Variants in CGNL1 observed in about 807,000 individuals in gnomAD.
CGNL1 encodes cingulin-like protein 1.
CGNL1 carries 132 observed loss-of-function variants against 141.2 expected under a neutral mutation model. The observed-to-expected ratio is 0.93, with a 90% CI of 0.81 to 1.08. The LOEUF is 1.08. CGNL1 is among the 50% of genes least tolerant of loss of function. The pLI is 0.00. For synonymous variants in CGNL1, 690 were observed against 622.1 expected (o/e 1.11, Z -1.63); for missense variants, 1,870 against 1,588.6 (o/e 1.18, Z -3.01).
chr15:57,499,350 A>G (rs1368905581), intron 8 of CGNL1, among the ~76,000 whole-genome samples: 7 of 140,482 alleles, frequency 5.0e-5, no homozygotes, highest in African/African-American at 1.9e-4. Flanking sequence ...GGTTCAAGTG[A>G]TTCTCCTGCC....
intron 8 of CGNL1, among the ~76,000 whole-genome samples, chr15:57,466,748 T>G (rs2063515838): frequency 6.6e-6 from 1 of 152,192 alleles, no homozygotes; most frequent in Admixed American, 6.5e-5. Context: ...TGTTTTGGCT[T>G]TTAATTTATA....
In CGNL1 at chr15:57,516,999, G is replaced by T; in HGVS notation, c.2610+13G>T. The T allele has an allele frequency of 6.2e-7, 1 of 1,608,956 alleles. No homozygotes were observed. The highest frequency in any genetic ancestry group is 1.1e-5 in the South Asian group (1 of 90,408). ...GAAGAAGTACGAGGTGAGGCTCGCT[G>T]GGCCCAGGCCCAGCTTTGGCAGCTG... On this transcript the variant is annotated intron_variant, in intron 9 of 18. Transcript: ENST00000281282.
chr15:57,378,572 AG>A (rs1480122641), intron 1 of CGNL1, among the ~76,000 whole-genome samples: 1 of 151,502 alleles, frequency 6.6e-6, no homozygotes, highest in African/African-American at 2.4e-5. Flanking sequence ...TAGTAGAGAC[AG>A]GGTTTCGCCA....
intron 16 of CGNL1, among the ~76,000 whole-genome samples, chr15:57,544,939 G>A (rs962420480): frequency 1.3e-5 from 2 of 152,188 alleles, no homozygotes; most frequent in African/African-American, 4.8e-5. Flanking sequence ...TTTGAGCCAC[G>A]TTAGAGGCCA....
chr15:57,387,296 T>C (rs1430060002), intron 1 of CGNL1, among the ~76,000 whole-genome samples: 6 of 152,220 alleles, frequency 3.9e-5, no homozygotes, highest in Admixed American at 3.9e-4. Flanking sequence ...TTACCTGGTG[T>C]CTTTTTTGCA....
At chr15:57,401,706 C>T (rs1405687354) in intron 1 of CGNL1, among the ~76,000 whole-genome samples, 5 of 152,190 alleles carry the variant, frequency 3.3e-5, no homozygotes, top group African/African-American at 4.8e-5. Flanking sequence ...TTGGCTCATT[C>T]TCAAATTTCC....
At chr15:57,472,301 G>A (rs535506158) in intron 8 of CGNL1, among the ~76,000 whole-genome samples, 2 of 152,222 alleles carry the variant, frequency 1.3e-5, no homozygotes, top group Non-Finnish European at 2.9e-5. Flanking sequence ...TTAAACCATG[G>A]CAAGTGAGGC....
chr15:57,400,200 A>C (rs1015489370), intron 1 of CGNL1, among the ~76,000 whole-genome samples: 2 of 151,998 alleles, frequency 1.3e-5, no homozygotes, highest in African/African-American at 4.8e-5. Flanking sequence ...GGGTCTTGCT[A>C]TGTTGGCCAG....
At chr15:57,441,157 A>G (rs2063182347) in intron 3 of CGNL1, among the ~76,000 whole-genome samples, 1 of 152,014 alleles carries the variant, frequency 6.6e-6, no homozygotes, top group South Asian at 2.1e-4. Context: ...AATACTGTAT[A>G]TTTTTGTATT....
intron 1 of CGNL1, among the ~76,000 whole-genome samples, chr15:57,395,989 G>C (rs1287708415): frequency 6.6e-6 from 1 of 152,110 alleles, no homozygotes; most frequent in Non-Finnish European, 1.5e-5. Context: ...AGCTTTGACT[G>C]TTCTTGAACT....
chr15:57,425,208 A>G (rs1440367069), intron 1 of CGNL1, among the ~76,000 whole-genome samples: 1 of 152,172 alleles, frequency 6.6e-6, no homozygotes, highest in African/African-American at 2.4e-5. Flanking sequence ...TAACAAAATA[A>G]GAATAATAGG....
chr15:57,396,277 G>GTTTTTTTTTTTTTTTTTTTTTTT (rs57154500), intron 1 of CGNL1, among the ~76,000 whole-genome samples: 3 of 129,218 alleles, frequency 2.3e-5, no homozygotes, highest in African/African-American at 8.8e-5. Context: ...TTCTTTCTTT[G>GTTTTTTTTTTTTTTTTTTTTTTT]TTTTTTTTTT....
chr15:57,442,519 G>A (rs1012629905), intron 4 of CGNL1, 41 bp downstream of exon 4: 5 of 1,241,768 alleles, frequency 4.0e-6, no homozygotes, highest in Non-Finnish European at 5.9e-6. Flanking sequence ...CATTTAGCAT[G>A]GAATGTGGTA....
chr15:57,503,077 T>C (rs902453995), intron 8 of CGNL1, among the ~76,000 whole-genome samples: 44 of 152,356 alleles, frequency 2.9e-4, no homozygotes, highest in African/African-American at 1.0e-3. Context: ...CTAGGGATTT[T>C]GTGGCACATG....
chr15:57,499,280 G>T (rs2063988468), intron 8 of CGNL1, among the ~76,000 whole-genome samples: 1 of 123,570 alleles, frequency 8.1e-6, no homozygotes, highest in Non-Finnish European at 1.6e-5. Flanking sequence ...GAGTCTCACT[G>T]TGTCACCCAG....
Position 57,441,478 on chromosome 15 carries a change from C to T in CGNL1, c.1698-895C>T, listed in dbSNP as rs1262901850. Among the ~76,000 whole-genome samples, 7 of 152,218 alleles carry T rather than the reference C, an allele frequency of 4.6e-5. No individual in the cohort carries two copies. The Middle Eastern group carries it at 0.014, about 296-fold the overall frequency. On this transcript the variant is annotated intron_variant, in intron 3 of 18. Transcript: ENST00000281282. ...CCACCTCCCAGGTTCAAGAGATTCT[C>T]CTGCCTCAGCCACCTGAGTAGCTGG...
At chr15:57,507,866 A>G (rs1223672992) in intron 8 of CGNL1, among the ~76,000 whole-genome samples, 1 of 152,216 alleles carries the variant, frequency 6.6e-6, no homozygotes, top group African/African-American at 2.4e-5. Flanking sequence ...CTAGAATCCC[A>G]GACTGTTAGA....
chr15:57,377,097 A>C (rs1377491316), intron 1 of CGNL1: 1 of 152,048 alleles, frequency 6.6e-6, no homozygotes. Flanking sequence ...CCCCCGCCTC[A>C]CTCGGAGCAC....
intron 1 of CGNL1, among the ~76,000 whole-genome samples, chr15:57,435,874 G>A (rs2063100006): frequency 1.3e-5 from 2 of 152,114 alleles, no homozygotes; most frequent in South Asian, 4.1e-4. Flanking sequence ...GTGAAGCATT[G>A]ACAAACATTA....
Sources: allele counts gnomAD v4.1 joint callset (sites outside exome capture counted in the v4.1 genomes callset), GRCh38; gene constraint gnomAD v4.1.1; transcripts MANE v1.5; gene names NCBI Gene and HGNC (gene_info 2026-07-23, HGNC 2026-07-21).